Variants in SDK1 observed in about 807,000 individuals in gnomAD.
The protein encoded by SDK1 is protein sidekick-1.
A neutral mutation model predicts 245.5 loss-of-function variants in SDK1; 157 were observed. The observed-to-expected ratio is 0.64, with a 90% CI of 0.56 to 0.73. SDK1 has a LOEUF of 0.73. Among genes scored for constraint, SDK1 ranks in the 30% least tolerant of loss-of-function variants. The probability of loss-of-function intolerance (pLI) is 0.00; values close to 1 mark genes in which losing one functional copy is unlikely to be tolerated. For synonymous variants in SDK1, 1,647 were observed against 1,278.5 expected (o/e 1.29, Z -6.15); for missense variants, 3,583 against 3,002.3 (o/e 1.19, Z -4.52).
intron 1 of SDK1, among the ~76,000 whole-genome samples, chr7:3,562,527 G>T (rs978840253): frequency 2.6e-5 from 4 of 152,194 alleles, no homozygotes; most frequent in Non-Finnish European, 2.9e-5. Flanking sequence ...AGACTGAAGT[G>T]GGCTTTAGCT....
At chr7:4,241,102 A>G (rs1463685930) in intron 42 of SDK1, among the ~76,000 whole-genome samples, 4 of 152,110 alleles carry the variant, frequency 2.6e-5, no homozygotes, top group African/African-American at 2.4e-5. Flanking sequence ...GTGTTTTGCT[A>G]TGTATTTGTA....
rs372545059 is a variant in SDK1 at position 4,247,930 on chromosome 7, C to T, written c.6381+2125C>T. Among the ~76,000 whole-genome samples, 24 of 152,284 alleles carry T rather than the reference C, an allele frequency of 1.6e-4. No individual in the cohort carries two copies. In the South Asian group the frequency reaches 5.0e-3, roughly 32 times the overall value. On this transcript the variant is annotated intron_variant, in intron 44 of 44. Coordinates refer to ENST00000404826, the MANE Select transcript of SDK1 (RefSeq NM_152744.4). ...CCACACCAGAGGAAGGGGAGGGAGGCATCCAGGGATGGTGTGTCCTAGAGC... is the reference window on the plus strand; with the variant it reads ...CCACACCAGAGGAAGGGGAGGGAGGTATCCAGGGATGGTGTGTCCTAGAGC...
chr7:3,313,615 C>T (rs929792569), intron 1 of SDK1, among the ~76,000 whole-genome samples: 3 of 152,138 alleles, frequency 2.0e-5, no homozygotes, highest in African/African-American at 7.2e-5. Context: ...TCAGCAGTTT[C>T]CACTACAAGT....
intron 1 of SDK1, among the ~76,000 whole-genome samples, chr7:3,544,215 C>G (rs996134354): frequency 1.3e-5 from 2 of 152,200 alleles, no homozygotes; most frequent in Admixed American, 6.5e-5. Flanking sequence ...TCTTCACCTC[C>G]CAAAGACCAT....
intron 22 of SDK1, among the ~76,000 whole-genome samples, chr7:4,088,837 T>C (rs1037592194): frequency 6.6e-6 from 1 of 152,232 alleles, no homozygotes; most frequent in Non-Finnish European, 1.5e-5. Context: ...CTCACCAGTT[T>C]TCATAAACAC....
intron 1 of SDK1, among the ~76,000 whole-genome samples, chr7:3,526,711 C>T (rs1039831162): frequency 5.3e-5 from 8 of 152,246 alleles, no homozygotes; most frequent in African/African-American, 1.9e-4. Flanking sequence ...CAATCTGTCT[C>T]ATTTGTGTAT....
chr7:4,087,817 G>A (rs1781522106), intron 22 of SDK1, among the ~76,000 whole-genome samples: 1 of 152,118 alleles, frequency 6.6e-6, no homozygotes, highest in Non-Finnish European at 1.5e-5. Flanking sequence ...ACTTCTTTGT[G>A]AGCCTGAATT....
chr7:4,178,555 C>G lies in SDK1; in HGVS notation c.5067C>G (p.Ser1689Arg). 1 of 1,612,942 alleles carries G rather than the reference C, an allele frequency of 6.2e-7. No individual in the cohort carries two copies. Among genetic ancestry groups the G allele is most frequent in the Non-Finnish European group, 8.5e-7 (1 of 1,179,850 alleles). Residue 1689 changes from serine (S) to arginine (R), a missense_variant, in exon 35 of 45, where the codon AGC (serine) becomes AGG (arginine). Ser to Arg is a moderately radical substitution (Grantham distance 110, BLOSUM62 -1). Coordinates refer to ENST00000404826, the MANE Select transcript of SDK1 (RefSeq NM_152744.4). ...ACATCATCGGCGAGAGCCCAGCCAG[C>G]GCGCCCGTGGAGGTCTTTGTCGGCG... ...AYNIIGESPA[S>R]APVEVFVGEA...
intron 13 of SDK1, among the ~76,000 whole-genome samples, chr7:3,982,913 A>C (rs1783525516): frequency 6.6e-6 from 1 of 152,046 alleles, no homozygotes; most frequent in African/African-American, 2.4e-5. Context: ...GTTGGGAAGA[A>C]GTTGATTCCA....
rs199710881 is a variant in SDK1 at position 3,969,371 on chromosome 7, A to G, written c.1661A>G (p.Tyr554Cys). 9 of 1,611,412 alleles carry G rather than the reference A, an allele frequency of 5.6e-6. No individual in the cohort carries two copies. In the African/African-American group the frequency reaches 8.0e-5, roughly 14 times the overall value. Residue 554 changes from tyrosine to cysteine, a missense_variant, in exon 11 of 45, where the codon TAT (tyrosine) becomes TGT (cysteine). Tyr to Cys is a radical substitution (Grantham distance 194, BLOSUM62 -2). Transcript: ENST00000404826. Reference sequence around the variant, plus strand: ...CAGGATGCCGGCAACTACACCTGCTATGCGGCCAACACAGAGGGCTCCCTG... The same window carrying G: ...CAGGATGCCGGCAACTACACCTGCTGTGCGGCCAACACAGAGGGCTCCCTG... ...FIQDAGNYTCYAANTEGSLNA... is the reference protein window; with the variant it reads ...FIQDAGNYTCCAANTEGSLNA...
intron 4 of SDK1, among the ~76,000 whole-genome samples, chr7:3,668,748 G>A (rs1409859039): frequency 3.3e-5 from 5 of 152,228 alleles, no homozygotes; most frequent in African/African-American, 4.8e-5. Context: ...CCAAGATGGC[G>A]CCATTGCACT....
At chr7:3,823,886 C>G (rs28409132) in intron 5 of SDK1, among the ~76,000 whole-genome samples, 5 of 151,626 alleles carry the variant, frequency 3.3e-5, no homozygotes, top group African/African-American at 1.2e-4. Flanking sequence ...GGAGAACCTT[C>G]CTGGTGACAT....
intron 38 of SDK1, among the ~76,000 whole-genome samples, chr7:4,215,325 T>C (rs1360091503): frequency 6.6e-6 from 1 of 152,172 alleles, no homozygotes; most frequent in African/African-American, 2.4e-5. Flanking sequence ...CTCTCCCTTC[T>C]CCTGAGTCCA....
chr7:4,046,295 C>T (rs946153718), intron 17 of SDK1, among the ~76,000 whole-genome samples: 2 of 152,084 alleles, frequency 1.3e-5, no homozygotes, highest in Non-Finnish European at 2.9e-5. Flanking sequence ...ACGTTGTCTC[C>T]CAGTCTGTGG....
intron 4 of SDK1, among the ~76,000 whole-genome samples, chr7:3,810,920 A>G (rs1269649795): frequency 6.6e-6 from 1 of 152,176 alleles, no homozygotes; most frequent in Non-Finnish European, 1.5e-5. Flanking sequence ...GTTTTAGGTA[A>G]TAGAGGCTTC....
chr7:3,584,928 G>C (rs1780635800), intron 1 of SDK1, among the ~76,000 whole-genome samples: 1 of 152,010 alleles, frequency 6.6e-6, no homozygotes, highest in Admixed American at 6.6e-5. Flanking sequence ...GTTTCACCGT[G>C]TTAGCCAGGA....
chr7:4,193,169 AT>A (rs1275884648), intron 35 of SDK1, among the ~76,000 whole-genome samples: 1 of 134,594 alleles, frequency 7.4e-6, no homozygotes, highest in Non-Finnish European at 1.5e-5. Context: ...ATATTAAAAT[AT>A]TTATATATTG....
intron 36 of SDK1, 42 bp downstream of exon 36, chr7:4,206,036 G>A (rs1262588826): frequency 7.5e-7 from 1 of 1,332,214 alleles, no homozygotes; most frequent in African/African-American, 1.5e-5. Context: ...GCTCGCTTGG[G>A]CACCCCTCGT....
chr7:3,942,958 T>G (rs938320412), intron 5 of SDK1, among the ~76,000 whole-genome samples: 1 of 152,132 alleles, frequency 6.6e-6, no homozygotes, highest in African/African-American at 2.4e-5. Context: ...TTTGACCTCA[T>G]TGTTTTCTGG....
Sources: allele counts gnomAD v4.1 joint callset (sites outside exome capture counted in the v4.1 genomes callset), GRCh38; gene constraint gnomAD v4.1.1; transcripts MANE v1.5; gene names NCBI Gene and HGNC (gene_info 2026-07-23, HGNC 2026-07-21).